CPSF1: variants seen among roughly 807,000 people sequenced by gnomAD.
The protein encoded by CPSF1 is cleavage and polyadenylation specific factor 1, also known as cleavage and polyadenylation specificity factor subunit 1.
Under a neutral mutation model 175.8 loss-of-function variants are expected in CPSF1, and 106 were observed. The observed-to-expected ratio is 0.60, with a 90% CI of 0.52 to 0.71. The LOEUF (loss-of-function observed/expected upper bound fraction) is 0.71, where lower values mean the gene tolerates loss of function less well. Among genes scored for constraint, CPSF1 ranks in the 30% least tolerant of loss-of-function variants. CPSF1 has a pLI of 0.00. For missense variants in CPSF1, 1,734 were observed against 2,022.9 expected, an observed-to-expected ratio of 0.86 and a Z score of 2.74; for synonymous variants, 1,024 against 858.3, an observed-to-expected ratio of 1.19 and a Z score of -3.37.
chr8:144,402,989 T>C (rs1476041869), intron 2 of CPSF1, among the ~76,000 whole-genome samples: 1 of 152,110 alleles, frequency 6.6e-6, no homozygotes, highest in African/African-American at 2.4e-5. Flanking sequence ...AAACTTACCA[T>C]GCTGTCAAAA....
At position 144,397,493 on chromosome 8, in the gene CPSF1, G is replaced by T. The variant is rs1554864389; in HGVS notation, c.2379C>A (p.Thr793=). Reference sequence around the variant, plus strand: ...AGTGCAGGGCACCACCTACCTCCATGGTGCCATTCTCCCGCACCAGCAGGC... The same window carrying T: ...AGTGCAGGGCACCACCTACCTCCATTGTGCCATTCTCCCGCACCAGCAGGC... ...HWCLLVRENG[T]MEIYQLPDWR... The change falls in exon 22 of 38, where the codon ACC becomes ACA. Residue 793 remains threonine, a synonymous_variant. Transcript: ENST00000616140. 6.3e-7 allele frequency: 1 copy of T among 1,595,346 alleles called. No individual in the cohort carries two copies. Among genetic ancestry groups the T allele is most frequent in the Non-Finnish European group, 8.6e-7 (1 of 1,166,648 alleles).
Position 144,398,077 on chromosome 8 carries a change from G to A in CPSF1, c.1950C>T (p.Ala650=), listed in dbSNP as rs141180241. ...VDLGAPIVQC[A]VADPYVVIMS... is the part of the protein sequence containing the mutation. ...TGATGACCACATAGGGGTCGGCCAC[G>A]GCGCACTGCACGATGGGGGCGCCCA... is the stretch of plus-strand genomic sequence containing the variant. Residue 650 remains alanine (A), a synonymous_variant, in exon 20 of 38, where the codon GCC becomes GCT. Transcript: ENST00000616140. 8.0e-4 allele frequency: 1,296 copies of A among 1,611,756 alleles called. 4 individuals carry two copies. Among genetic ancestry groups the A allele is most frequent in the Non-Finnish European group, 1.0e-3 (1,213 of 1,179,466 alleles).
rs1554864462 is a variant in CPSF1, at chr8:144,397,589, C to A, written c.2283G>T (p.Glu761Asp). The change falls in exon 22 of 38, where the codon GAG (glutamate) becomes GAT (aspartate). Residue 761 changes from glutamate (E) to aspartate (D), a missense_variant. Around this residue, in one of 10 missense-constraint regions of CPSF1, gnomAD observed 585 missense variants for 584.7 expected, o/e 1.00. Coordinates refer to ENST00000616140, the MANE Select transcript of CPSF1 (RefSeq NM_013291.3). Reference sequence around the variant, plus strand: ...CAGGGGGCTGGCTGCTTCTTCGGGCCTCCTCCTTGCTGGGGCTGAAGAGGG... The same window carrying A: ...CAGGGGGCTGGCTGCTTCTTCGGGCATCCTCCTTGCTGGGGCTGAAGAGGG... Reference protein sequence around the residue: ...SGSLFSPSKEEARRSSQPPAD... With the variant: ...SGSLFSPSKEDARRSSQPPAD... 1 of 1,540,006 alleles carries A rather than the reference C, an allele frequency of 6.5e-7. No homozygotes were observed. The highest frequency in any genetic ancestry group is 8.8e-7 in the Non-Finnish European group (1 of 1,138,488).
chr8:144,401,609 GCAC>G, intron 3 of CPSF1, 34 bp downstream of exon 3: 1 of 1,612,272 alleles, frequency 6.2e-7, no homozygotes, highest in Non-Finnish European at 8.5e-7. Flanking sequence ...GCCATGCCTG[GCAC>G]CCGCACAGCC....
intron 23 of CPSF1, 109 bp downstream of exon 23, chr8:144,397,098 C>G: frequency 4.0e-6 from 2 of 498,278 alleles, no homozygotes; most frequent in Non-Finnish European, 4.9e-6. Flanking sequence ...CGGGAAGGGG[C>G]GGGGCCGTGG....
chr8:144,400,873 G>A, intron 6 of CPSF1, 51 bp downstream of exon 6: 1 of 1,606,090 alleles, frequency 6.2e-7, no homozygotes. Context: ...GGGAGCTCGG[G>A]CTCTGGCGCC....
At chr8:144,401,889 C>T (rs1821229155) in intron 2 of CPSF1, among the ~76,000 whole-genome samples, 1 of 152,212 alleles carries the variant, frequency 6.6e-6, no homozygotes, top group Non-Finnish European at 1.5e-5. Context: ...AGCCCTGGCA[C>T]AGGCCCCTCC....
intron 2 of CPSF1, among the ~76,000 whole-genome samples, chr8:144,404,705 A>C (rs1272143213): frequency 6.6e-6 from 1 of 151,640 alleles, no homozygotes; most frequent in Non-Finnish European, 1.5e-5. Flanking sequence ...ATGTGTACAT[A>C]GTCAAATGGT....
chr8:144,404,235 CAAAA>C (rs535592435), intron 2 of CPSF1, among the ~76,000 whole-genome samples: 4 of 151,772 alleles, frequency 2.6e-5, no homozygotes, highest in Non-Finnish European at 4.4e-5. Context: ...AAAAAACAAA[CAAAA>C]AAAGAAGTTT....
intron 17 of CPSF1, 37 bp downstream of exon 17, chr8:144,398,742 C>T (rs1230581694): frequency 3.1e-6 from 5 of 1,590,900 alleles, no homozygotes; most frequent in Non-Finnish European, 4.3e-6. Context: ...AGCGCCGGTC[C>T]CATCCCAGGG....
In CPSF1 at chr8:144,396,377, G is replaced by C; in HGVS notation, c.2950C>G (p.Pro984Ala). 1 of 1,588,600 alleles carries C rather than the reference G, an allele frequency of 6.3e-7. No homozygotes were observed. Among genetic ancestry groups the C allele is most frequent in the Non-Finnish European group, 8.5e-7 (1 of 1,170,408 alleles). ...CTGTTGAAGTACAGGAAGCCGCGGG[G>C]ACAGTTGACATTGTGGAATGGAGCG... ...SFAPFHNVNC[P>A]RGFLYFNRQG... Residue 984 changes from proline to alanine, a missense_variant, in exon 26 of 38, where the codon CCC (proline) becomes GCC (alanine). Physicochemically the swap from Pro to Ala is conservative, Grantham distance 27. Coordinates refer to ENST00000616140, the MANE Select transcript of CPSF1 (RefSeq NM_013291.3).
intron 28 of CPSF1, 21 bp from the exon 29 acceptor site, chr8:144,395,203 A>G (rs1554863259): frequency 2.5e-6 from 4 of 1,612,672 alleles, no homozygotes; most frequent in African/African-American, 1.3e-5. Flanking sequence ...CAAGGGTGAC[A>G]GTCAGAGTAG....
rs1820506277 is a variant in CPSF1, at chr8:144,393,752, TCTC to T, written c.4057_4059del (p.Glu1353del). 3 of 1,587,716 alleles carry T rather than the reference TCTC, an allele frequency of 1.9e-6. No homozygotes were observed. The highest frequency in any genetic ancestry group is 2.6e-6 in the Non-Finnish European group (3 of 1,173,338). ...AGCATCAGCAGCCGCCGGTAGGTCT[TCTC>T]CTGCATGGGCAGCAGCAGCCCGATG... On this transcript the variant is annotated inframe_deletion, in exon 36 of 38. Coordinates refer to ENST00000616140, the MANE Select transcript of CPSF1 (RefSeq NM_013291.3).
At chr8:144,405,869 G>A (rs1554868956) in intron 2 of CPSF1, among the ~76,000 whole-genome samples, 1 of 152,170 alleles carries the variant, frequency 6.6e-6, no homozygotes, top group African/African-American at 2.4e-5. Context: ...GCTGGGGACA[G>A]GGGAGAGTGG....
chr8:144,407,319 G>A (rs1052886345), intron 2 of CPSF1, among the ~76,000 whole-genome samples: 1 of 151,566 alleles, frequency 6.6e-6, no homozygotes, highest in Non-Finnish European at 1.5e-5. Context: ...GGGCTTGAGC[G>A]ATCCTCCCAC....
intron 17 of CPSF1, 48 bp from the exon 18 acceptor site, chr8:144,398,686 G>A (rs2116853640): frequency 6.8e-6 from 11 of 1,605,912 alleles, no homozygotes; most frequent in Admixed American, 1.7e-5. Context: ...TCCAGTGAAG[G>A]CAGGCACGCA....
rs782502614 is a variant in CPSF1 at position 144,394,865 on chromosome 8, G to C, written c.3414+17C>G. On this transcript the variant is annotated intron_variant, in intron 30 of 37. Transcript: ENST00000616140. Reference sequence around the variant, plus strand: ...AGAGGGGCTGCCAGTTCCCGCCCCCGCTCACTGGCCCCTTACCCGCCCTCG... The same window carrying C: ...AGAGGGGCTGCCAGTTCCCGCCCCCCCTCACTGGCCCCTTACCCGCCCTCG... 1 of 1,611,604 alleles carries C rather than the reference G, an allele frequency of 6.2e-7. No homozygotes were observed. The highest frequency in any genetic ancestry group is 2.2e-5 in the East Asian group (1 of 44,876).
chr8:144,408,876 C>G, intron 2 of CPSF1, 139 bp downstream of exon 2: 1 of 994,806 alleles, frequency 1.0e-6, no homozygotes, highest in African/African-American at 1.6e-5. Flanking sequence ...GATTCAGGGT[C>G]ATGTCCTGGC....
rs1820851373 is a variant in CPSF1 at position 144,397,610 on chromosome 8, G to A, written c.2262C>T (p.Leu754=). The A allele has an allele frequency of 3.9e-6, 6 of 1,534,756 alleles. No homozygotes were observed. Among genetic ancestry groups the A allele is most frequent in the East Asian group, 2.3e-5 (1 of 43,976 alleles). Residue 754 remains leucine (L), a synonymous_variant, in exon 22 of 38, where the codon CTC becomes CTT. Transcript: ENST00000616140. Reference sequence around the variant, plus strand: ...GGGCCTCCTCCTTGCTGGGGCTGAAGAGGGAGCCCGAATCCCCATACAGCA... The same window carrying A: ...GGGCCTCCTCCTTGCTGGGGCTGAAAAGGGAGCCCGAATCCCCATACAGCA... ...EEMLYGDSGS[L]FSPSKEEARR...
Sources: allele counts gnomAD v4.1 joint callset (sites outside exome capture counted in the v4.1 genomes callset), GRCh38; gene constraint gnomAD v4.1.1; regional missense constraint gnomAD v4.1.1; transcripts MANE v1.5; gene names NCBI Gene and HGNC (gene_info 2026-07-23, HGNC 2026-07-21).